Variants in MCM5 observed in about 807,000 individuals in gnomAD.
The protein encoded by MCM5 is minichromosome maintenance complex component 5, also known as DNA replication licensing factor MCM5.
Under a neutral mutation model 79.9 loss-of-function variants are expected in MCM5, and 46 were observed. The ratio of observed to expected loss-of-function variants is 0.58; its 90% CI spans 0.45 to 0.74. The LOEUF is 0.74. Among genes scored for constraint, MCM5 ranks in the 30% least tolerant of loss-of-function variants. The pLI, the probability that MCM5 is intolerant of heterozygous loss-of-function variation, is 0.00. For synonymous variants in MCM5, 404 were observed against 390.5 expected (o/e 1.03, Z -0.41); for missense variants, 883 against 1,017.0 (o/e 0.87, Z 1.79).
downstream of MCM5, among the ~76,000 whole-genome samples, chr22:35,430,174 A>C (rs988118885): frequency 4.6e-5 from 7 of 152,190 alleles, no homozygotes; most frequent in Non-Finnish European, 8.8e-5. Context: ...AGAGAAAATT[A>C]CTGCTCCTTA....
chr22:35,438,675 C>T, the MCM5 span, among the ~76,000 whole-genome samples: 4 of 81,308 alleles, frequency 4.9e-5, no homozygotes, highest in East Asian at 1.2e-3. Flanking sequence ...ACATATTCAC[C>T]CATCCATCCA....
At chr22:35,418,360 T>C (rs1000294083) in intron 13 of MCM5, among the ~76,000 whole-genome samples, 3 of 152,162 alleles carry the variant, frequency 2.0e-5, no homozygotes, top group Admixed American at 6.5e-5. Flanking sequence ...TCAATAATAA[T>C]AATTATATAC....
chr22:35,434,901 C>A, the MCM5 span, among the ~76,000 whole-genome samples: 1 of 152,004 alleles, frequency 6.6e-6, no homozygotes, highest in Admixed American at 6.5e-5. Context: ...CCTGTAATCC[C>A]AGCACTTTGG....
Position 35,415,845 on chromosome 22 carries a change from A to C in MCM5, c.1220A>C (p.Lys407Thr). 1 of 1,613,538 alleles carries C rather than the reference A, an allele frequency of 6.2e-7. No homozygotes were observed. Among genetic ancestry groups the C allele is most frequent in the Non-Finnish European group, 8.5e-7 (1 of 1,179,936 alleles). ...CTGCCCCAGGTATACACGTCTGGGAAAGGCAGCAGCGCAGCTGGACTGACA... is the reference window on the plus strand; with the variant it reads ...CTGCCCCAGGTATACACGTCTGGGACAGGCAGCAGCGCAGCTGGACTGACA... Reference protein sequence around the residue: ...CSPIGVYTSGKGSSAAGLTAS... With the variant: ...CSPIGVYTSGTGSSAAGLTAS... Residue 407 changes from lysine (K) to threonine (T), a missense_variant, in exon 10 of 17, where the codon AAA becomes ACA. Lys to Thr is a moderately conservative substitution (Grantham distance 78, BLOSUM62 -1). Coordinates refer to ENST00000216122, the MANE Select transcript of MCM5 (RefSeq NM_006739.4).
intron 13 of MCM5, 74 bp from the exon 14 acceptor site, chr22:35,419,810 G>A: frequency 2.0e-6 from 3 of 1,480,608 alleles, no homozygotes; most frequent in Admixed American, 4.3e-5. Context: ...AAGCTGGCAG[G>A]GGGCTGGGGG....
intron 13 of MCM5, among the ~76,000 whole-genome samples, chr22:35,418,203 T>C (rs1932596759): frequency 6.6e-6 from 1 of 152,202 alleles, no homozygotes; most frequent in Non-Finnish European, 1.5e-5. Context: ...GGTTGGCCTC[T>C]CTGAGCCTTG....
At chr22:35,414,060 C>A in intron 9 of MCM5, 74 bp downstream of exon 9, 1 of 910,654 alleles carries the variant, frequency 1.1e-6, no homozygotes. Context: ...TCTGGGTCCT[C>A]AGGACACCTG....
intron 3 of MCM5, 39 bp downstream of exon 3, chr22:35,403,372 C>G (rs1932117680): frequency 1.2e-6 from 2 of 1,613,970 alleles, no homozygotes; most frequent in South Asian, 1.1e-5. Flanking sequence ...CAGGGCTGCT[C>G]TGCCCCAGTT....
intron 6 of MCM5, among the ~76,000 whole-genome samples, chr22:35,409,297 G>A (rs1932307315): frequency 6.6e-6 from 1 of 152,228 alleles, no homozygotes; most frequent in Non-Finnish European, 1.5e-5. Flanking sequence ...CTGCTGAACA[G>A]CCACGGTGGC....
the MCM5 span, among the ~76,000 whole-genome samples, chr22:35,445,017 G>A: frequency 6.6e-6 from 1 of 152,220 alleles, no homozygotes; most frequent in African/African-American, 2.4e-5. Context: ...TCTGGCCAAT[G>A]AGATGGAGGT....
At chr22:35,448,126 T>C in the MCM5 span, among the ~76,000 whole-genome samples, 2 of 152,174 alleles carry the variant, frequency 1.3e-5, no homozygotes, top group African/African-American at 2.4e-5. Context: ...AAACAAGGGC[T>C]TGGGGGAGGA....
chr22:35,452,944 G>A, the MCM5 span, among the ~76,000 whole-genome samples: 1 of 152,168 alleles, frequency 6.6e-6, no homozygotes, highest in Non-Finnish European at 1.5e-5. Flanking sequence ...AGAGGAAAGT[G>A]CCGCTATCCC....
chr22:35,422,405 G>A (rs133433), intron 15 of MCM5: 17,217 of 152,396 alleles, frequency 0.11, 1,255 homozygotes, highest in African/African-American at 0.2. Flanking sequence ...TGGAGGCAGC[G>A]CTAAGTGTCA....
chr22:35,410,423 G>T, intron 6 of MCM5: 1 of 355,158 alleles, frequency 2.8e-6, no homozygotes, highest in East Asian at 7.0e-5. Flanking sequence ...CTTTTGGAGG[G>T]CTCTGTGGGC....
the MCM5 span, among the ~76,000 whole-genome samples, chr22:35,434,105 A>T: frequency 6.6e-6 from 1 of 152,272 alleles, no homozygotes; most frequent in South Asian, 2.1e-4. Context: ...GGATGGTGGT[A>T]GAGTGCAGGC....
rs4645822 is a variant in MCM5, at chr22:35,422,990, G to A, written c.1976-224G>A. 344 of 391,946 alleles carry A rather than the reference G, an allele frequency of 8.8e-4. 3 individuals carry two copies. Among genetic ancestry groups the A allele is most frequent in the African/African-American group, 6.6e-3 (322 of 48,562 alleles). 24.3% of individuals were successfully genotyped at this position (391,946 alleles called of 1,614,324 possible). A position where few individuals can be genotyped will look rare whatever the true frequency, so the allele number is the denominator to read the frequency against. On this transcript the variant is annotated intron_variant, in intron 15 of 16. Coordinates refer to ENST00000216122, the MANE Select transcript of MCM5 (RefSeq NM_006739.4). The stretch of plus-strand genomic sequence containing the variant: ...GGGCTGCTTTTTGAATGAGACAGGT[G>A]TGTTCCTGCCTCTGTGACTTTGTGC...
chr22:35,416,573 A>C lies in MCM5; in HGVS notation c.1414-65A>C, dbSNP rs572782616. The C allele has an allele frequency of 8.4e-6, 8 of 953,262 alleles. No individual in the cohort carries two copies. In the East Asian group the frequency reaches 2.2e-4, roughly 27 times the overall value. The allele number at this position is 953,262 out of a possible 1,614,324, so 59.1% of individuals were successfully genotyped here. On this transcript the variant is annotated intron_variant, in intron 11 of 16. Transcript: ENST00000216122. ...TGTGTGTGTGTGTGTGTGTGTGTGT[A>C]AACGTGTATATAAGAAGGCATCTTT...
the MCM5 span, among the ~76,000 whole-genome samples, chr22:35,449,957 C>A: frequency 2.0e-5 from 3 of 151,982 alleles, no homozygotes; most frequent in Admixed American, 6.6e-5. Context: ...AATTAAAAAT[C>A]TTTTTTTGTA....
chr22:35,404,471 C>A (rs1601751795), intron 4 of MCM5, among the ~76,000 whole-genome samples: 1 of 152,158 alleles, frequency 6.6e-6, no homozygotes, highest in African/African-American at 2.4e-5. Flanking sequence ...GGGGTGGTTA[C>A]AACATACCCC....
Sources: allele counts gnomAD v4.1 joint callset (sites outside exome capture counted in the v4.1 genomes callset), GRCh38; gene constraint gnomAD v4.1.1; transcripts MANE v1.5; gene names NCBI Gene and HGNC (gene_info 2026-07-23, HGNC 2026-07-21).